LPIN2: variants seen among roughly 807,000 people sequenced by gnomAD.
The protein encoded by LPIN2 is lipin 2.
LPIN2 carries 55 observed loss-of-function variants against 111.4 expected under a neutral mutation model. The observed-to-expected ratio is 0.49, with a 90% confidence interval of 0.40 to 0.62. The LOEUF (loss-of-function observed/expected upper bound fraction) is 0.62. Among genes scored for constraint, LPIN2 ranks in the 20% least tolerant of loss-of-function variants. The pLI is 0.00. For missense variants in LPIN2, 992 were observed against 1,112.1 expected (o/e 0.89, Z 1.54); for synonymous variants, 425 against 414.0 (o/e 1.03, Z -0.32).
intron 1 of LPIN2, among the ~76,000 whole-genome samples, chr18:2,964,538 A>C (rs2077763805): frequency 6.6e-6 from 1 of 152,156 alleles, no homozygotes; most frequent in Non-Finnish European, 1.5e-5. Flanking sequence ...TTTCCTCGTG[A>C]GAATACAGCA....
At chr18:2,921,875 C>T (rs536844146) in intron 17 of LPIN2, among the ~76,000 whole-genome samples, 172 bp downstream of exon 17, 21 of 152,376 alleles carry the variant, frequency 1.4e-4, no homozygotes, top group African/African-American at 4.1e-4. Context: ...TCACCAGGCC[C>T]GCCACATGGC....
intron 7 of LPIN2, 126 bp from the exon 8 acceptor site, chr18:2,934,576 G>A: frequency 1.4e-6 from 1 of 694,354 alleles, no homozygotes. Flanking sequence ...AATTTTAAAG[G>A]TGTCAACCAG....
At chr18:2,922,745 G>A (rs908222449) in intron 16 of LPIN2, among the ~76,000 whole-genome samples, 2 of 152,224 alleles carry the variant, frequency 1.3e-5, no homozygotes, top group African/African-American at 4.8e-5. Flanking sequence ...AAGTTTGTAA[G>A]TACTGATATA....
chr18:2,953,154 T>C (rs549111863), intron 3 of LPIN2, among the ~76,000 whole-genome samples: 1 of 152,304 alleles, frequency 6.6e-6, no homozygotes, highest in East Asian at 1.9e-4. Flanking sequence ...TGTAGTCATA[T>C]GTGGAATAGG....
At chr18:2,945,048 C>T (rs1219597789) in intron 4 of LPIN2, among the ~76,000 whole-genome samples, 1 of 152,094 alleles carries the variant, frequency 6.6e-6, no homozygotes, top group Admixed American at 6.6e-5. Context: ...CTTAAAAAAG[C>T]AATCATCCCA....
At chr18:2,943,031 T>A (rs559332792) in intron 4 of LPIN2, among the ~76,000 whole-genome samples, 1 of 152,208 alleles carries the variant, frequency 6.6e-6, no homozygotes, top group African/African-American at 2.4e-5. Flanking sequence ...CCCTCACAGA[T>A]GTGCTACAAC....
intron 1 of LPIN2, among the ~76,000 whole-genome samples, chr18:2,992,995 A>AAAAG (rs917168729): frequency 1.6e-4 from 21 of 132,142 alleles, no homozygotes; most frequent in African/African-American, 5.7e-4. Context: ...AAAAAAAAAA[A>AAAAG]TTTAAATATT....
chr18:2,971,415 C>A (rs140940006), intron 1 of LPIN2, among the ~76,000 whole-genome samples: 1,686 of 152,224 alleles, frequency 0.011, 10 homozygotes, highest in Non-Finnish European at 0.016. Flanking sequence ...GCTGTGAGTG[C>A]CCAAGGCCCC....
intron 1 of LPIN2, among the ~76,000 whole-genome samples, chr18:2,980,694 G>A (rs2078095974): frequency 1.3e-5 from 2 of 152,236 alleles, no homozygotes; most frequent in Non-Finnish European, 2.9e-5. Flanking sequence ...CCTGAAGCTG[G>A]TGAGGATGTG....
chr18:2,924,307 G>A (rs2077099339), intron 15 of LPIN2, 91 bp downstream of exon 15: 1 of 1,533,074 alleles, frequency 6.5e-7, no homozygotes, highest in Admixed American at 1.7e-5. Flanking sequence ...AGGGCTTCGA[G>A]CCCCAGGTGA....
intron 1 of LPIN2, chr18:2,982,583 G>T: frequency 2.1e-6 from 1 of 466,180 alleles, no homozygotes; most frequent in Non-Finnish European, 3.9e-6. Context: ...TTTTTCTTTT[G>T]GTGGATGCCA....
intron 5 of LPIN2, among the ~76,000 whole-genome samples, chr18:2,940,147 G>A (rs1364857033): frequency 8.3e-6 from 1 of 120,156 alleles, no homozygotes; most frequent in Non-Finnish European, 1.8e-5. Context: ...GCAAAATAGC[G>A]AGACTCTGTC....
chr18:2,931,123 C>T (rs1005815153), intron 9 of LPIN2, 133 bp downstream of exon 9: 15 of 1,074,274 alleles, frequency 1.4e-5, no homozygotes, highest in Non-Finnish European at 2.1e-5. Flanking sequence ...TCTGACATTA[C>T]AGAACATACC....
rs114190102 is a variant in LPIN2, at chr18:2,929,697, G to C, written c.1457-539C>G. Reference sequence around the variant, plus strand: ...GATGTGGGCCGATCACTTGAGGTCAGGAGTTAGGGACTAGCCTGGCCAATA... The same window carrying C: ...GATGTGGGCCGATCACTTGAGGTCACGAGTTAGGGACTAGCCTGGCCAATA... On this transcript the variant is annotated intron_variant, in intron 9 of 19. Transcript: ENST00000677752. Among the ~76,000 whole-genome samples, 158 of 152,312 alleles carry C rather than the reference G, an allele frequency of 1.0e-3. 2 individuals are homozygous for C. The highest frequency in any genetic ancestry group is 3.5e-3 in the African/African-American group (147 of 41,550).
chr18:2,937,726 C>T lies in LPIN2; in HGVS notation c.1134G>A (p.Pro378=), dbSNP rs543890845. ...ALAEAPSESK[P]AAKVDSPSKK... Reference sequence around the variant, plus strand: ...TTGACGGCGAGTCTACTTTAGCTGCCGGTTTGGATTCTGAGGGCGCCTCCG... The same window carrying T: ...TTGACGGCGAGTCTACTTTAGCTGCTGGTTTGGATTCTGAGGGCGCCTCCG... The change falls in exon 7 of 20, where the codon CCG becomes CCA. Residue 378 remains proline, a synonymous_variant. Transcript: ENST00000677752. 138 of 1,614,000 alleles carry T rather than the reference C, an allele frequency of 8.6e-5. No individual in the cohort carries two copies. In the South Asian group the frequency reaches 1.4e-3, roughly 16 times the overall value.
At chr18:2,937,604 C>A in intron 7 of LPIN2, 88 bp downstream of exon 7, 4 of 759,370 alleles carry the variant, frequency 5.3e-6, no homozygotes, top group Non-Finnish European at 8.5e-6. Context: ...AATACAAATA[C>A]AGAGGCAGCC....
chr18:2,973,219 T>A (rs2077952038), intron 1 of LPIN2, among the ~76,000 whole-genome samples: 1 of 152,176 alleles, frequency 6.6e-6, no homozygotes, highest in Non-Finnish European at 1.5e-5. Context: ...GCATACACTT[T>A]ACAGGCAGGA....
chr18:2,986,684 A>C (rs1005642574), intron 1 of LPIN2, among the ~76,000 whole-genome samples: 2 of 152,202 alleles, frequency 1.3e-5, no homozygotes, highest in Admixed American at 1.3e-4. Context: ...AGGACCAAAC[A>C]ACCTCTGCGG....
intron 12 of LPIN2, among the ~76,000 whole-genome samples, chr18:2,927,393 G>A (rs1236892892): frequency 6.6e-6 from 1 of 152,200 alleles, no homozygotes; most frequent in Non-Finnish European, 1.5e-5. Context: ...CTATCTGATA[G>A]GTAATACAGT....
Sources: gnomAD v4.1 joint callset for allele counts (sites outside exome capture counted in the v4.1 genomes callset) on GRCh38, gnomAD v4.1.1 for gene constraint, MANE v1.5 for transcripts, NCBI Gene and HGNC (gene_info 2026-07-23, HGNC 2026-07-21) for gene names.